The following WDFY4 variants were observed in gnomAD, a reference collection of about 807,000 sequenced individuals.
WDFY4 encodes WD repeat- and FYVE domain-containing protein 4.
A neutral mutation model predicts 351.9 loss-of-function variants in WDFY4; 169 were observed. The ratio of observed to expected loss-of-function variants is 0.48; its 90% confidence interval spans 0.42 to 0.55. The LOEUF (loss-of-function observed/expected upper bound fraction) is 0.55, where lower values mean the gene tolerates loss of function less well. Among genes scored for constraint, WDFY4 ranks in the 20% least tolerant of loss-of-function variants. WDFY4 has a pLI of 0.00. For missense variants in WDFY4, 3,803 were observed against 3,935.6 expected, an observed-to-expected ratio of 0.97 and a Z score of 0.90; for synonymous variants, 1,622 against 1,574.6, an observed-to-expected ratio of 1.03 and a Z score of -0.71.
chr10:48,816,500 C>G (rs1282583691), intron 31 of WDFY4, among the ~76,000 whole-genome samples: 2 of 152,170 alleles, frequency 1.3e-5, no homozygotes, highest in Admixed American at 6.5e-5. Flanking sequence ...CTGCTCAGAT[C>G]ATGTGATCTG....
chr10:48,775,859 G>A (rs974677121), intron 15 of WDFY4, 53 bp downstream of exon 15: 13 of 1,463,810 alleles, frequency 8.9e-6, no homozygotes, highest in Non-Finnish European at 1.0e-5. Context: ...AAGATGATAG[G>A]CATTCCTGCT....
At position 48,969,141 on chromosome 10, in the gene WDFY4, C is replaced by A; in HGVS notation, c.8662C>A (p.Leu2888Met). 1.3e-6 allele frequency: 2 copies of A among 1,551,788 alleles called. No individual in the cohort carries two copies. The change falls in exon 56 of 62, where the codon CTG becomes ATG. Residue 2888 changes from leucine (L) to methionine (M), a missense_variant. Physicochemically the swap from Leu to Met is conservative, Grantham distance 15. This residue lies in a region of WDFY4 where 3,054 missense variants were observed against 3,148.6 expected (regional missense o/e 0.97). Coordinates refer to ENST00000325239, the MANE Select transcript of WDFY4 (RefSeq NM_001394531.1). ...GHIVSTEKTILAVERNKVLLP... is the reference protein window; with the variant it reads ...GHIVSTEKTIMAVERNKVLLP... ...CATTGTCTCTACTGAGAAGACCATTCTGGCTGTAGAGAGGAACAAAGTGCT... is the reference window on the plus strand; with the variant it reads ...CATTGTCTCTACTGAGAAGACCATTATGGCTGTAGAGAGGAACAAAGTGCT...
At position 48,723,516 on chromosome 10, in the gene WDFY4, C is replaced by A; in HGVS notation, c.540C>A (p.Asp180Glu). The A allele has an allele frequency of 6.4e-7, 1 of 1,551,772 alleles. No homozygotes were observed. The change falls in exon 5 of 62, where the codon GAC (aspartate) becomes GAA (glutamate). Residue 180 changes from aspartate (D) to glutamate (E), a missense_variant. By Grantham distance (45) the Asp-to-Glu change is conservative (BLOSUM62 2). This residue lies in a region of WDFY4 where 488 missense variants were observed against 456.8 expected (regional missense o/e 1.07). Coordinates refer to ENST00000325239, the MANE Select transcript of WDFY4 (RefSeq NM_001394531.1). ...ACCTCTTCTTTGTCTTTCCTCTGGA[C>A]AAAGATGAGCTTCTTGAGAGTGATC... ...CLYLFFVFPL[D>E]KDELLESDLQ...
Position 48,727,579 on chromosome 10 carries a change from C to A in WDFY4, c.891C>A (p.Asp297Glu). 1 of 1,551,974 alleles carries A rather than the reference C, an allele frequency of 6.4e-7. No homozygotes were observed. The highest frequency in any genetic ancestry group is 1.2e-5 in the South Asian group (1 of 84,066). ...AVSLILGFVK[D>E]SYPVSSALFL... ...GCCTGATCTTGGGATTCGTGAAGGACTCCTACCCCGTCTCCTCGGCTCTGT... is the reference window on the plus strand; with the variant it reads ...GCCTGATCTTGGGATTCGTGAAGGAATCCTACCCCGTCTCCTCGGCTCTGT... Residue 297 changes from aspartate to glutamate, a missense_variant, in exon 7 of 62, where the codon GAC becomes GAA. Asp to Glu is a conservative substitution (Grantham distance 45, BLOSUM62 2). Around this residue, in one of 3 missense-constraint regions of WDFY4, gnomAD observed 488 missense variants for 456.8 expected, o/e 1.07. Transcript: ENST00000325239.
intron 33 of WDFY4, 38 bp downstream of exon 33, chr10:48,820,475 G>A (rs2067781901): frequency 6.5e-7 from 1 of 1,541,138 alleles, no homozygotes; most frequent in South Asian, 1.2e-5. Context: ...ATGTGCTGTG[G>A]AGGCTGCCGG....
At chr10:48,822,239 G>T (rs139399335) in intron 34 of WDFY4, 141 bp from the exon 35 acceptor site, 1 of 848,664 alleles carries the variant, frequency 1.2e-6, no homozygotes, top group Admixed American at 3.8e-5. Context: ...TGGGCACCTC[G>T]TCAGTACAAG....
chr10:48,911,403 A>T (rs927824365), intron 47 of WDFY4, among the ~76,000 whole-genome samples: 1 of 152,266 alleles, frequency 6.6e-6, no homozygotes, highest in Non-Finnish European at 1.5e-5. Flanking sequence ...ACCCTTTAAC[A>T]CAATATTTCC....
At chr10:48,942,203 G>T (rs753631032) in intron 48 of WDFY4, among the ~76,000 whole-genome samples, 1 of 152,120 alleles carries the variant, frequency 6.6e-6, no homozygotes, top group Non-Finnish European at 1.5e-5. Flanking sequence ...GACCTCAGGC[G>T]ATCCACCCAC....
chr10:48,930,399 C>CA (rs567772086), intron 47 of WDFY4, among the ~76,000 whole-genome samples: 55 of 152,308 alleles, frequency 3.6e-4, no homozygotes, highest in African/African-American at 9.4e-4. Flanking sequence ...CAAATAGACA[C>CA]AGATGATGGC....
At chr10:48,946,546 A>G (rs1401017401) in intron 50 of WDFY4, among the ~76,000 whole-genome samples, 1 of 152,246 alleles carries the variant, frequency 6.6e-6, no homozygotes, top group African/African-American at 2.4e-5. Flanking sequence ...GGTCCATTTC[A>G]AAGAGAAGGA....
chr10:48,900,135 A>G lies in WDFY4; in HGVS notation c.7438-86A>G, dbSNP rs529208063. ...GGGTCTTCTGACACGGAGACCCGCA[A>G]TGACCCATTTCCAGCAGCTGTGTCA... On this transcript the variant is annotated intron_variant, in intron 45 of 61. Transcript: ENST00000325239. The G allele has an allele frequency of 1.3e-4, 160 of 1,209,440 alleles. No individual in the cohort carries two copies. In the African/African-American group the frequency reaches 2.3e-3, roughly 18 times the overall value. 74.9% of individuals were successfully genotyped at this position (1,209,440 alleles called of 1,614,324 possible).
chr10:48,776,512 TGG>T (rs2066035235), intron 15 of WDFY4, among the ~76,000 whole-genome samples: 1 of 152,184 alleles, frequency 6.6e-6, no homozygotes, highest in African/African-American at 2.4e-5. Context: ...GGATCTGTGC[TGG>T]AATGAAAGAA....
chr10:48,713,476 G>A (rs1177495196), intron 2 of WDFY4, among the ~76,000 whole-genome samples: 1 of 152,196 alleles, frequency 6.6e-6, no homozygotes, highest in Admixed American at 6.5e-5. Flanking sequence ...TACAAAGGTG[G>A]GCTTGGTTTG....
chr10:48,820,455 A>T lies in WDFY4; in HGVS notation c.5709+18A>T. The T allele has an allele frequency of 6.5e-7, 1 of 1,549,940 alleles. No homozygotes were observed. Among genetic ancestry groups the T allele is most frequent in the Non-Finnish European group, 8.7e-7 (1 of 1,145,996 alleles). On this transcript the variant is annotated intron_variant, in intron 33 of 61. Coordinates refer to ENST00000325239, the MANE Select transcript of WDFY4 (RefSeq NM_001394531.1). ...TCCTGGAGGTGGGTTGGAAAAGGTG[A>T]CATTGGGCCATGTGCTGTGGAGGCT...
At chr10:48,805,935 A>G in intron 26 of WDFY4, 69 bp from the exon 27 acceptor site, 1 of 1,366,326 alleles carries the variant, frequency 7.3e-7, no homozygotes, top group Non-Finnish European at 1.0e-6. Context: ...ATGTGAAAAC[A>G]CTGGCATGTA....
Position 48,796,465 on chromosome 10 carries a change from G to A in WDFY4, c.4410+15G>A. ...GCAATTTCGAGGTAAATCAGAGATT[G>A]GCCCTTAGTCCTTCAGGAGTGTGTG... is the stretch of plus-strand genomic sequence containing the variant. On this transcript the variant is annotated intron_variant, in intron 24 of 61. Coordinates refer to ENST00000325239, the MANE Select transcript of WDFY4 (RefSeq NM_001394531.1). 1 of 1,548,376 alleles carries A rather than the reference G, an allele frequency of 6.5e-7. No homozygotes were observed. The highest frequency in any genetic ancestry group is 1.4e-5 in the African/African-American group (1 of 73,148).
intron 35 of WDFY4, among the ~76,000 whole-genome samples, chr10:48,826,339 T>C (rs2547588): frequency 0.13 from 19,835 of 152,232 alleles, 1,409 homozygotes; most frequent in Middle Eastern, 0.2. Flanking sequence ...ACCAATTCTG[T>C]ACAAAAACAG....
rs1386902815 is a variant in WDFY4 at position 48,877,075 on chromosome 10, T to G, written c.7043T>G (p.Val2348Gly). Reference sequence around the variant, plus strand: ...GAGGCTGAGGGCGAGCCGGACGAGGTGGGGGTGGACTGCACCCAGCTGACC... The same window carrying G: ...GAGGCTGAGGGCGAGCCGGACGAGGGGGGGGTGGACTGCACCCAGCTGACC... ...LREAEGEPDE[V>G]GVDCTQLTFF... The change falls in exon 43 of 62, where the codon GTG becomes GGG. Residue 2348 changes from valine to glycine, a missense_variant. This residue lies in a region of WDFY4 where 3,054 missense variants were observed against 3,148.6 expected (regional missense o/e 0.97). Coordinates refer to ENST00000325239, the MANE Select transcript of WDFY4 (RefSeq NM_001394531.1). The G allele has an allele frequency of 6.5e-7, 1 of 1,528,374 alleles. No homozygotes were observed. The highest frequency in any genetic ancestry group is 1.4e-5 in the African/African-American group (1 of 72,180). The allele number at this position is 1,528,374 out of a possible 1,614,324, so 94.7% of individuals were successfully genotyped here.
chr10:48,947,290 G>A (rs1431005795), intron 51 of WDFY4, among the ~76,000 whole-genome samples: 1 of 152,170 alleles, frequency 6.6e-6, no homozygotes, highest in African/African-American at 2.4e-5. Context: ...GAAACTTGGA[G>A]ACTAGAAAGG....
Sources: allele counts gnomAD v4.1 joint callset (sites outside exome capture counted in the v4.1 genomes callset), GRCh38; gene constraint gnomAD v4.1.1; regional missense constraint gnomAD v4.1.1; transcripts MANE v1.5; gene names NCBI Gene and HGNC (gene_info 2026-07-23, HGNC 2026-07-21).